The following LAMA1 variants were observed in gnomAD, a reference collection of about 807,000 sequenced individuals.
LAMA1 encodes laminin subunit alpha-1.
Under a neutral mutation model 348.7 loss-of-function variants are expected in LAMA1, and 219 were observed. The ratio of observed to expected loss-of-function variants is 0.63; its 90% CI spans 0.56 to 0.70. LAMA1 has a LOEUF of 0.70. Among genes scored for constraint, LAMA1 ranks in the 30% least tolerant of loss-of-function variants. The probability of loss-of-function intolerance (pLI) is 0.00; values close to 1 mark genes in which losing one functional copy is unlikely to be tolerated. For missense variants in LAMA1, 3,744 were observed against 3,888.0 expected, an observed-to-expected ratio of 0.96 and a Z score of 0.99; for synonymous variants, 1,487 against 1,491.0, an observed-to-expected ratio of 1.00 and a Z score of 0.06.
chr18:6,956,857 A>G (rs1438469804), intron 55 of LAMA1, 92 bp from the exon 56 acceptor site: 24 of 1,388,752 alleles, frequency 1.7e-5, no homozygotes, highest in Non-Finnish European at 2.4e-5. Flanking sequence ...ATGAAAATCA[A>G]TTAAAAACCA....
chr18:7,090,317 C>T (rs747362933), intron 1 of LAMA1, among the ~76,000 whole-genome samples: 20 of 152,022 alleles, frequency 1.3e-4, no homozygotes, highest in Non-Finnish European at 2.1e-4. Flanking sequence ...TAATGTAAAA[C>T]GAGACTCTCA....
At chr18:6,997,059 TTTTC>T (rs1188151725) in intron 33 of LAMA1, among the ~76,000 whole-genome samples, 1 of 137,056 alleles carries the variant, frequency 7.3e-6, no homozygotes, top group Non-Finnish European at 1.5e-5. Context: ...TTTCTTCTCT[TTTTC>T]TTTTTCTTTT....
chr18:7,064,364 T>G (rs1260022470), intron 3 of LAMA1, among the ~76,000 whole-genome samples: 1 of 152,086 alleles, frequency 6.6e-6, no homozygotes, highest in Non-Finnish European at 1.5e-5. Context: ...TGAGTAGGAA[T>G]GTAGTATTTC....
chr18:7,042,289 A>G, intron 8 of LAMA1, 39 bp from the exon 9 acceptor site: 7 of 1,171,278 alleles, frequency 6.0e-6, no homozygotes, highest in Non-Finnish European at 7.6e-6. Flanking sequence ...CTTACTAGAA[A>G]TAACAGCAAT....
rs1169546339 is a variant in LAMA1 at position 7,079,885 on chromosome 18, T to C, written c.345+90A>G. ...TAGTGAGATTAGAATGTAAATGTGT[T>C]CAGAAAGAAGCCAGACTTTCCCAAA... On this transcript the variant is annotated intron_variant, in intron 3 of 62. Transcript: ENST00000389658. 3 of 921,568 alleles carry C rather than the reference T, an allele frequency of 3.3e-6. No individual in the cohort carries two copies. In the East Asian group the frequency reaches 7.4e-5, roughly 23 times the overall value. The allele number at this position is 921,568 out of a possible 1,614,324, so 57.1% of individuals were successfully genotyped here. A position where few individuals can be genotyped will look rare whatever the true frequency, so the allele number is the denominator to read the frequency against.
At chr18:7,002,113 T>G (rs1433865676) in intron 30 of LAMA1, 151 bp downstream of exon 30, 3 of 1,012,620 alleles carry the variant, frequency 3.0e-6, no homozygotes, top group Non-Finnish European at 4.3e-6. Flanking sequence ...CCAATGCTTT[T>G]GAGAATGAAC....
chr18:6,951,642 T>A (rs1383839884), intron 57 of LAMA1, among the ~76,000 whole-genome samples: 2 of 122,716 alleles, frequency 1.6e-5, no homozygotes, highest in South Asian at 6.5e-4. Context: ...CTGTCTAAAC[T>A]GAAGAACAGG....
intron 43 of LAMA1, 113 bp downstream of exon 43, chr18:6,978,083 A>G: frequency 2.1e-6 from 3 of 1,434,140 alleles, no homozygotes; most frequent in Non-Finnish European, 2.0e-6. Context: ...TCCAGATGTT[A>G]GCATACTTCT....
In LAMA1 at chr18:7,043,323, T is replaced by C. The variant is rs2058028414; in HGVS notation, c.1059A>G (p.Gly353=). 6.2e-7 allele frequency: 1 copy of C among 1,614,132 alleles called. No individual in the cohort carries two copies. The part of the protein sequence containing the change: ...AKQKKSLNTA[G]QFRGGGVCIN... ...TGCAAACCCCTCCTCCTCTGAACTG[T>C]CCAGCAGTATTCAAACTTTTCTTCT... The change falls in exon 8 of 63, where the codon GGA becomes GGG. Residue 353 remains glycine (G), a synonymous_variant. Coordinates refer to ENST00000389658, the MANE Select transcript of LAMA1 (RefSeq NM_005559.4).
intron 55 of LAMA1, among the ~76,000 whole-genome samples, chr18:6,957,923 G>T (rs184014066): frequency 6.6e-6 from 1 of 152,110 alleles, no homozygotes; most frequent in Non-Finnish European, 1.5e-5. Flanking sequence ...TGGGATTACA[G>T]GTGCCTGCCA....
intron 48 of LAMA1, among the ~76,000 whole-genome samples, chr18:6,967,039 G>T (rs889184545): frequency 1.3e-5 from 2 of 152,178 alleles, no homozygotes; most frequent in African/African-American, 4.8e-5. Flanking sequence ...CTTGGATGAG[G>T]ATAGTTTTTG....
intron 45 of LAMA1, among the ~76,000 whole-genome samples, chr18:6,975,490 T>C (rs546941499): frequency 9.3e-4 from 141 of 152,344 alleles, no homozygotes; most frequent in African/African-American, 3.3e-3. Context: ...TCAGATACTA[T>C]ATGTGCCCGT....
intron 12 of LAMA1, among the ~76,000 whole-genome samples, chr18:7,036,789 A>G (rs2057996917): frequency 6.6e-6 from 1 of 152,230 alleles, no homozygotes; most frequent in African/African-American, 2.4e-5. Context: ...AAATATCATC[A>G]AATTAAATAG....
chr18:7,096,036 C>G (rs1344175263), intron 1 of LAMA1, among the ~76,000 whole-genome samples: 1 of 152,200 alleles, frequency 6.6e-6, no homozygotes, highest in Non-Finnish European at 1.5e-5. Flanking sequence ...CCATTGCGCT[C>G]CAGCCCAGGC....
intron 3 of LAMA1, among the ~76,000 whole-genome samples, chr18:7,058,825 A>T (rs986201857): frequency 6.6e-6 from 1 of 152,200 alleles, no homozygotes; most frequent in African/African-American, 2.4e-5. Context: ...TTCACCAATC[A>T]TGTGTTGACA....
chr18:7,090,502 G>C, intron 1 of LAMA1, among the ~76,000 whole-genome samples: 1 of 152,052 alleles, frequency 6.6e-6, no homozygotes, highest in Non-Finnish European at 1.5e-5. Flanking sequence ...TCCTTCAAAA[G>C]CAAATTCTTG....
chr18:7,034,264 G>A (rs1403011741), intron 14 of LAMA1, among the ~76,000 whole-genome samples: 2 of 152,148 alleles, frequency 1.3e-5, no homozygotes, highest in Non-Finnish European at 2.9e-5. Context: ...TGTCAAGTCT[G>A]TCTTCTACTG....
rs543826549 is a variant in LAMA1 at position 7,058,049 on chromosome 18, G to A, written c.346-7113C>T. ...GAACTCCTGACCTTGTGATCCACCC[G>A]TCTCAGCCTCCCAAAGTGCTAGGAT... On this transcript the variant is annotated intron_variant, in intron 3 of 62. Coordinates refer to ENST00000389658, the MANE Select transcript of LAMA1 (RefSeq NM_005559.4). Among the ~76,000 whole-genome samples the A allele has an allele frequency of 5.3e-5, 8 of 151,594 alleles. No homozygotes were observed. In the East Asian group the frequency reaches 1.6e-3, roughly 29 times the overall value.
intron 1 of LAMA1, among the ~76,000 whole-genome samples, chr18:7,111,392 A>G (rs966121721): frequency 2.0e-5 from 3 of 152,232 alleles, no homozygotes; most frequent in African/African-American, 7.2e-5. Context: ...GCCCCCAAGC[A>G]AGATGAGGAA....
Sources: allele counts gnomAD v4.1 joint callset (sites outside exome capture counted in the v4.1 genomes callset), GRCh38; gene constraint gnomAD v4.1.1; transcripts MANE v1.5; gene names NCBI Gene and HGNC (gene_info 2026-07-23, HGNC 2026-07-21).